The following MMP26 variants were observed in gnomAD, a reference collection of about 807,000 sequenced individuals.
The protein encoded by MMP26 is matrix metallopeptidase 26.
A neutral mutation model predicts 31.0 loss-of-function variants in MMP26; 33 were observed. That is an observed-to-expected ratio of 1.06 (90% CI 0.81 to 1.42). The LOEUF (loss-of-function observed/expected upper bound fraction) is 1.42. Ranked by LOEUF, MMP26 falls within the 40% of genes most tolerant of loss-of-function variation. The probability of loss-of-function intolerance (pLI) is 0.00; values close to 1 mark genes in which losing one functional copy is unlikely to be tolerated. For missense variants in MMP26, 347 were observed against 316.1 expected (o/e 1.10, Z -0.74); for synonymous variants, 122 against 114.9 (o/e 1.06, Z -0.40).
rs560896695 is a variant in MMP26, at chr11:4,766,952, C to A, written c.-216-318C>A. 7.9e-5 allele frequency among the ~76,000 whole-genome samples: 12 copies of A among 152,110 alleles called. No homozygotes were observed. In the South Asian group the frequency reaches 2.3e-3, roughly 29 times the overall value. On this transcript the variant is annotated intron_variant, in intron 1 of 7. Transcript: ENST00000380390. Reference sequence around the variant, plus strand: ...ATCTTTCTGATGTTCCAGCAGCTAGCAGGCATGTAGAATTACTCAAGAAAA... The same window carrying A: ...ATCTTTCTGATGTTCCAGCAGCTAGAAGGCATGTAGAATTACTCAAGAAAA...
rs193191586 is a variant in MMP26 at position 4,706,109 on chromosome 11, G to A, written c.-217+1064G>A. Among the ~76,000 whole-genome samples the A allele has an allele frequency of 2.5e-3, 374 of 152,246 alleles. 2 individuals carry two copies. Among genetic ancestry groups the A allele is most frequent in the African/African-American group, 8.6e-3 (356 of 41,532 alleles). On this transcript the variant is annotated intron_variant, in intron 1 of 7. Coordinates refer to ENST00000380390, the MANE Select transcript of MMP26 (RefSeq NM_021801.5). Reference sequence around the variant, plus strand: ...AAGATTCTATGAGCTATGTACAGTGGAAAGGGGGACTCAGATTCAGTGAAG... The same window carrying A: ...AAGATTCTATGAGCTATGTACAGTGAAAAGGGGGACTCAGATTCAGTGAAG...
At chr11:4,746,644 G>A (rs576606283) in intron 1 of MMP26, among the ~76,000 whole-genome samples, 23 of 152,060 alleles carry the variant, frequency 1.5e-4, no homozygotes, top group Non-Finnish European at 2.9e-4. Context: ...GACCAGCCGG[G>A]CCAACAAGGT....
chr11:4,784,758 A>T (rs552670728), intron 2 of MMP26, among the ~76,000 whole-genome samples: 2 of 152,292 alleles, frequency 1.3e-5, no homozygotes, highest in Non-Finnish European at 2.9e-5. Context: ...GTAATTTGTC[A>T]TGGAAATTCT....
chr11:4,868,803 C>A (rs969970086), intron 2 of MMP26, among the ~76,000 whole-genome samples: 3 of 152,180 alleles, frequency 2.0e-5, no homozygotes, highest in Non-Finnish European at 4.4e-5. Flanking sequence ...CATCACGCTA[C>A]CTGACTTCAA....
chr11:4,742,483 T>TC (rs1179014291), intron 1 of MMP26, among the ~76,000 whole-genome samples: 1 of 152,118 alleles, frequency 6.6e-6, no homozygotes, highest in Non-Finnish European at 1.5e-5. Context: ...CTTGACTGGG[T>TC]CGCCGGATGC....
At chr11:4,988,716 T>C (rs981707758) in intron 3 of MMP26, among the ~76,000 whole-genome samples, 1 of 152,204 alleles carries the variant, frequency 6.6e-6, no homozygotes, top group Non-Finnish European at 1.5e-5. Context: ...CCAGTCGGTC[T>C]ACCACACACT....
chr11:4,882,041 T>C, intron 2 of MMP26: 1 of 1,613,936 alleles, frequency 6.2e-7, no homozygotes, highest in Non-Finnish European at 8.5e-7. Flanking sequence ...CAGTATGATC[T>C]TTCTTGTCAT....
chr11:4,950,152 G>T (rs1282342408), intron 2 of MMP26, among the ~76,000 whole-genome samples: 1 of 123,348 alleles, frequency 8.1e-6, no homozygotes, highest in Non-Finnish European at 1.8e-5. Context: ...ATTTGAGTTG[G>T]ACAATAGGCC....
At chr11:4,722,956 A>T (rs1395833342) in intron 1 of MMP26, 5 of 793,700 alleles carry the variant, frequency 6.3e-6, no homozygotes, top group Non-Finnish European at 1.1e-5. Flanking sequence ...TTGTATGGAT[A>T]CTCATGTTCT....
chr11:4,797,908 C>T (rs758355387), intron 2 of MMP26, among the ~76,000 whole-genome samples: 36 of 152,168 alleles, frequency 2.4e-4, no homozygotes, highest in Admixed American at 1.8e-3. Flanking sequence ...CCATTCTCTG[C>T]CACTATTATA....
chr11:4,762,873 A>C (rs1848584254), intron 1 of MMP26, among the ~76,000 whole-genome samples: 1 of 152,194 alleles, frequency 6.6e-6, no homozygotes, highest in East Asian at 1.9e-4. Flanking sequence ...CTGTAGCTCA[A>C]AGAAAAGACC....
chr11:4,833,314 G>A (rs1849671751), intron 2 of MMP26, among the ~76,000 whole-genome samples: 2 of 152,178 alleles, frequency 1.3e-5, no homozygotes, highest in African/African-American at 4.8e-5. Context: ...TTCTTTGGGT[G>A]ATTGATAAAT....
intron 1 of MMP26, among the ~76,000 whole-genome samples, chr11:4,708,481 A>G (rs1333486877): frequency 6.6e-6 from 1 of 152,228 alleles, no homozygotes; most frequent in Non-Finnish European, 1.5e-5. Context: ...TCTCAGGGTC[A>G]GACCTTCTTA....
Position 4,704,902 on chromosome 11 carries a change from T to A in MMP26, c.-360T>A, listed in dbSNP as rs925561909. On this transcript the variant is annotated 5_prime_UTR_variant, in exon 1 of 8. Coordinates refer to ENST00000380390, the MANE Select transcript of MMP26 (RefSeq NM_021801.5). ...CAGCTATAGTAGTACAGAACCTTTC[T>A]GCAAGTAAGTTAGTGAGGTTGAGAT... The A allele has an allele frequency of 2.6e-5, 4 of 152,234 alleles. No homozygotes were observed. Among genetic ancestry groups the A allele is most frequent in the Non-Finnish European group, 5.9e-5 (4 of 68,052 alleles). The allele number at this position is 152,234 out of a possible 1,614,324, so 9.4% of individuals were successfully genotyped here.
intron 2 of MMP26, among the ~76,000 whole-genome samples, chr11:4,849,473 TG>T (rs1463458509): frequency 6.6e-6 from 1 of 152,196 alleles, no homozygotes. Flanking sequence ...TTTCCTAGAT[TG>T]TTTTCACATG....
chr11:4,942,774 T>C (rs1050079937), intron 2 of MMP26: 2 of 152,164 alleles, frequency 1.3e-5, no homozygotes, highest in African/African-American at 4.8e-5. Flanking sequence ...GGCAAACCCA[T>C]GGGTACACAC....
intron 2 of MMP26, among the ~76,000 whole-genome samples, chr11:4,897,824 G>A (rs1850733477): frequency 6.6e-6 from 1 of 150,612 alleles, no homozygotes; most frequent in Admixed American, 6.6e-5. Context: ...TAATTATTAA[G>A]TACATGTTTC....
chr11:4,916,087 G>A (rs1851086293), intron 2 of MMP26, among the ~76,000 whole-genome samples: 1 of 152,018 alleles, frequency 6.6e-6, no homozygotes, highest in Non-Finnish European at 1.5e-5. Context: ...GGGAGGCCGA[G>A]GCGGGCGGAT....
rs570168533 is a variant in MMP26 at position 4,857,023 on chromosome 11, G to A, written c.-145+89682G>A. Among the ~76,000 whole-genome samples, 1,440 of 152,136 alleles carry A rather than the reference G, an allele frequency of 9.5e-3. 23 individuals are homozygous for A. Among genetic ancestry groups the A allele is most frequent in the African/African-American group, 0.033 (1,372 of 41,508 alleles). On this transcript the variant is annotated intron_variant, in intron 2 of 7. Coordinates refer to ENST00000380390, the MANE Select transcript of MMP26 (RefSeq NM_021801.5). Reference sequence around the variant, plus strand: ...GAAATAAAGATGTTCTTTGAAACCAGTGAGAACAAAGACACAACATACCAG... The same window carrying A: ...GAAATAAAGATGTTCTTTGAAACCAATGAGAACAAAGACACAACATACCAG...
Sources: gnomAD v4.1 joint callset for allele counts (sites outside exome capture counted in the v4.1 genomes callset) on GRCh38, gnomAD v4.1.1 for gene constraint, MANE v1.5 for transcripts, NCBI Gene and HGNC (gene_info 2026-07-23, HGNC 2026-07-21) for gene names.